The following SORBS2 variants were observed in gnomAD, a reference collection of about 807,000 sequenced individuals.
The protein encoded by SORBS2 is sorbin and SH3 domain-containing protein 2.
A neutral mutation model predicts 97.7 loss-of-function variants in SORBS2; 46 were observed. The ratio of observed to expected loss-of-function variants is 0.47; its 90% CI spans 0.37 to 0.60. The LOEUF (loss-of-function observed/expected upper bound fraction) is 0.60. SORBS2 is among the 20% of genes least tolerant of loss of function. The probability of loss-of-function intolerance (pLI) is 0.00; values close to 1 mark genes in which losing one functional copy is unlikely to be tolerated. For synonymous variants in SORBS2, 476 were observed against 473.4 expected (o/e 1.01, Z -0.07); for missense variants, 1,316 against 1,282.3 (o/e 1.03, Z -0.40).
At chr4:185,749,695 A>C (rs1333620463) in intron 2 of SORBS2, among the ~76,000 whole-genome samples, 1 of 152,234 alleles carries the variant, frequency 6.6e-6, no homozygotes, top group African/African-American at 2.4e-5. Context: ...TTGGTGCAAA[A>C]GCAGAATGGG....
chr4:185,778,120 CT>C (rs2099009104), intron 1 of SORBS2, among the ~76,000 whole-genome samples: 2 of 152,210 alleles, frequency 1.3e-5, no homozygotes, highest in South Asian at 4.2e-4. Flanking sequence ...TCACTTGTTT[CT>C]TTTTTACTTT....
chr4:185,656,938 C>T, exon 1 of SORBS2: 1 of 1,164,440 alleles, frequency 8.6e-7, no homozygotes. Flanking sequence ...ACTCTCTTCA[C>T]TCCAATCATC....
rs778092459 is a variant in SORBS2, at chr4:185,614,945, A to G, written c.2481T>C (p.Pro827=). ...GTGGTCTTGCAGGCTGTGCTTTCTC[A>G]GGAGGTGTGAGTTTCTATGAAGGAA... is the stretch of plus-strand genomic sequence containing the variant. The change falls in exon 11 of 15, where the codon CCT becomes CCC. Residue 827 remains proline (P), a synonymous_variant. Coordinates refer to ENST00000418609, the Ensembl canonical transcript of SORBS2. 4 of 1,614,138 alleles carry G rather than the reference A, an allele frequency of 2.5e-6. No homozygotes were observed. In the East Asian group the frequency reaches 8.9e-5, roughly 36 times the overall value.
intron 1 of SORBS2, among the ~76,000 whole-genome samples, chr4:185,867,585 T>C (rs985116323): frequency 1.3e-5 from 2 of 152,178 alleles, no homozygotes; most frequent in African/African-American, 4.8e-5. Flanking sequence ...ACATTTCTTG[T>C]TTAAGTCAGC....
At chr4:185,821,757 A>T (rs1334510535) in intron 1 of SORBS2, among the ~76,000 whole-genome samples, 2 of 152,194 alleles carry the variant, frequency 1.3e-5, no homozygotes, top group African/African-American at 2.4e-5. Context: ...CACAGATGTG[A>T]TCATTCTTGC....
At chr4:185,667,156 C>T (rs11941554) in intron 4 of SORBS2, among the ~76,000 whole-genome samples, 89,731 of 151,986 alleles carry the variant, frequency 0.59, 26,727 homozygotes, top group Admixed American at 0.64. Context: ...CCTTTCAGAA[C>T]AGACACTTTT....
Position 185,728,635 on chromosome 4 carries a change from T to G in SORBS2, c.-198+46592A>C, listed in dbSNP as rs2098584822. On this transcript the variant is annotated intron_variant, in intron 2 of 20. Coordinates refer to the SORBS2 transcript ENST00000284776. ...AGGATGCGCAGGAGCACTCATTATT[T>G]TAATCGGAGTCGTTCCTAATTCTAA... is the stretch of plus-strand genomic sequence containing the variant. Among the ~76,000 whole-genome samples, 5 of 152,236 alleles carry G rather than the reference T, an allele frequency of 3.3e-5. No homozygotes were observed. The South Asian group carries it at 1.0e-3, about 32-fold the overall frequency.
At chr4:185,734,658 C>A (rs1264565961) in intron 2 of SORBS2, among the ~76,000 whole-genome samples, 1 of 152,174 alleles carries the variant, frequency 6.6e-6, no homozygotes, top group Non-Finnish European at 1.5e-5. Flanking sequence ...CTTTTCCAGT[C>A]CTTTCCAACT....
chr4:185,952,113 C>T (rs963229633), intron 1 of SORBS2, among the ~76,000 whole-genome samples: 8 of 151,884 alleles, frequency 5.3e-5, no homozygotes, highest in Non-Finnish European at 4.4e-5. Context: ...CAACCTTCAC[C>T]TCCCAGGTTG....
At chr4:185,638,185 G>C in intron 4 of SORBS2, 23 bp from the exon 15 acceptor site, 1 of 1,491,598 alleles carries the variant, frequency 6.7e-7, no homozygotes, top group Non-Finnish European at 9.3e-7. Context: ...TGAAGGAAAA[G>C]GGAAGGAAAA....
intron 1 of SORBS2, among the ~76,000 whole-genome samples, chr4:185,907,571 T>C (rs1471019223): frequency 1.3e-5 from 2 of 152,254 alleles, no homozygotes; most frequent in African/African-American, 4.8e-5. Flanking sequence ...CTTTTTATTT[T>C]GTTTCTTGAT....
intron 13 of SORBS2, among the ~76,000 whole-genome samples, chr4:185,590,370 G>C: frequency 6.6e-6 from 1 of 152,064 alleles, no homozygotes; most frequent in East Asian, 1.9e-4. Flanking sequence ...TTACTAAGAG[G>C]AATTCTTTAG....
intron 2 of SORBS2, among the ~76,000 whole-genome samples, chr4:185,747,082 G>A (rs911175172): frequency 5.9e-5 from 9 of 151,936 alleles, no homozygotes; most frequent in African/African-American, 1.7e-4. Flanking sequence ...GACTTGTCTC[G>A]AAACAAAAAA....
rs116178968 is a variant in SORBS2, at chr4:185,859,530, C to T, written c.-337-84164G>A. ...TTCTCCTCTGCAAGATCACTCTTCC[C>T]TAAAGCATTCCTGACTCCCTCATTC... On this transcript the variant is annotated intron_variant, in intron 1 of 20. Coordinates refer to the SORBS2 transcript ENST00000284776. 3.1e-3 allele frequency among the ~76,000 whole-genome samples: 467 copies of T among 152,286 alleles called. 4 individuals carry two copies. Among genetic ancestry groups the T allele is most frequent in the African/African-American group, 0.01 (434 of 41,556 alleles).
rs1368796848 is a variant in SORBS2 at position 185,919,749 on chromosome 4, C to A, written c.-338+36447G>T. Among the ~76,000 whole-genome samples, 22 of 152,244 alleles carry A rather than the reference C, an allele frequency of 1.4e-4. 1 individual carries two copies. The highest frequency in any genetic ancestry group is 1.4e-3 in the Admixed American group (22 of 15,292). On this transcript the variant is annotated intron_variant, in intron 1 of 20. Coordinates refer to the SORBS2 transcript ENST00000284776. ...AAATAGCTGATACAATGGTTTGCTT[C>A]ACCGTTTATCAGTAATCTCTTATCT...
At chr4:185,877,759 A>G (rs1390589342) in intron 1 of SORBS2, among the ~76,000 whole-genome samples, 2 of 151,752 alleles carry the variant, frequency 1.3e-5, no homozygotes, top group Non-Finnish European at 2.9e-5. Flanking sequence ...AATCCCAGCT[A>G]CTTGGGTGGC....
intron 12 of SORBS2, among the ~76,000 whole-genome samples, chr4:185,608,328 T>C (rs1448170763): frequency 6.6e-6 from 1 of 152,212 alleles, no homozygotes; most frequent in East Asian, 1.9e-4. Flanking sequence ...AGAATGAAGC[T>C]GAGCTTACAT....
intron 1 of SORBS2, among the ~76,000 whole-genome samples, chr4:185,907,762 C>T (rs1428126777): frequency 6.6e-6 from 1 of 152,176 alleles, no homozygotes; most frequent in African/African-American, 2.4e-5. Flanking sequence ...CTCCCTCCTT[C>T]CCTCTCTCCT....
intron 2 of SORBS2, among the ~76,000 whole-genome samples, chr4:185,694,113 G>T (rs1188255367): frequency 1.3e-5 from 2 of 152,172 alleles, no homozygotes; most frequent in East Asian, 3.9e-4. Flanking sequence ...AAAAATGCAC[G>T]ATTCTATTTC....
Sources: gnomAD v4.1 joint callset for allele counts (sites outside exome capture counted in the v4.1 genomes callset) on GRCh38, gnomAD v4.1.1 for gene constraint, MANE v1.5 for transcripts, NCBI Gene and HGNC (gene_info 2026-07-23, HGNC 2026-07-21) for gene names.